The following GMDS variants were observed in gnomAD, a reference collection of about 807,000 sequenced individuals.
The protein encoded by GMDS is GDP-mannose 4,6-dehydratase, also known as GDP-mannose 4,6 dehydratase.
Under a neutral mutation model 49.9 loss-of-function variants are expected in GMDS, and 20 were observed. The observed-to-expected ratio is 0.40, with a 90% confidence interval of 0.28 to 0.58. The LOEUF (loss-of-function observed/expected upper bound fraction) is 0.58, where lower values mean the gene tolerates loss of function less well. GMDS is among the 20% of genes least tolerant of loss of function. The pLI, the probability that GMDS is intolerant of heterozygous loss-of-function variation, is 0.42. For synonymous variants in GMDS, 177 were observed against 178.6 expected (o/e 0.99, Z 0.07); for missense variants, 362 against 481.4 (o/e 0.75, Z 2.32).
At chr6:2,060,707 AG>A (rs1313314053) in intron 4 of GMDS, among the ~76,000 whole-genome samples, 1 of 152,214 alleles carries the variant, frequency 6.6e-6, no homozygotes, top group East Asian at 1.9e-4. Context: ...AAACAAGGTG[AG>A]GGAACACGTC....
At chr6:1,815,384 G>A (rs1456845351) in intron 7 of GMDS, among the ~76,000 whole-genome samples, 1 of 152,170 alleles carries the variant, frequency 6.6e-6, no homozygotes, top group Non-Finnish European at 1.5e-5. Context: ...AGTTACAGCA[G>A]AAAATTTCAG....
chr6:1,922,173 C>A (rs142834491), intron 7 of GMDS, among the ~76,000 whole-genome samples: 1 of 152,340 alleles, frequency 6.6e-6, no homozygotes, highest in African/African-American at 2.4e-5. Context: ...CACGTAGTTA[C>A]ACAATGCCTT....
chr6:1,957,980 A>AT (rs1291497151), intron 6 of GMDS, among the ~76,000 whole-genome samples: 2 of 151,720 alleles, frequency 1.3e-5, no homozygotes, highest in East Asian at 3.9e-4. Context: ...TTCGTTTTTT[A>AT]TTTTTTTGAG....
chr6:1,700,488 T>C (rs1208929499), intron 9 of GMDS, among the ~76,000 whole-genome samples: 2 of 152,156 alleles, frequency 1.3e-5, no homozygotes, highest in African/African-American at 4.8e-5. Context: ...CTGCAAATCA[T>C]TAGTTTCTCC....
At chr6:2,205,301 C>G (rs1427612707) in intron 1 of GMDS, among the ~76,000 whole-genome samples, 1 of 152,306 alleles carries the variant, frequency 6.6e-6, no homozygotes, top group African/African-American at 2.4e-5. Context: ...CCTAAGTTCA[C>G]CATTAGTTGC....
chr6:2,157,136 T>C (rs934567833), intron 1 of GMDS, among the ~76,000 whole-genome samples: 3 of 152,242 alleles, frequency 2.0e-5, no homozygotes, highest in African/African-American at 7.2e-5. Context: ...CATAGACTTA[T>C]GTTCTAGAGC....
intron 7 of GMDS, among the ~76,000 whole-genome samples, chr6:1,798,211 T>C (rs1769811447): frequency 6.6e-6 from 1 of 150,860 alleles, no homozygotes; most frequent in South Asian, 2.1e-4. Context: ...TAAATTTTGA[T>C]GTATAAATTT....
chr6:2,047,300 C>CAA (rs1770079423), intron 4 of GMDS, among the ~76,000 whole-genome samples: 3 of 152,118 alleles, frequency 2.0e-5, no homozygotes, highest in African/African-American at 7.2e-5. Flanking sequence ...TGGCAATATC[C>CAA]TTGTGAAGTG....
At chr6:2,075,755 T>C (rs1417548442) in intron 4 of GMDS, among the ~76,000 whole-genome samples, 1 of 152,166 alleles carries the variant, frequency 6.6e-6, no homozygotes, top group Admixed American at 6.5e-5. Flanking sequence ...GATTTATAAT[T>C]CTTTGGGTAT....
rs1167150758 is a variant in GMDS, at chr6:2,079,979, G to A, written c.345+35792C>T. ...GGCTTTATAGTATCCCATATGTCTC[G>A]AAGGCTTCAATTATTCTTTTTTATT... On this transcript the variant is annotated intron_variant, in intron 4 of 10. Coordinates refer to ENST00000380815, the MANE Select transcript of GMDS (RefSeq NM_001500.4). Among the ~76,000 whole-genome samples, 33 of 152,078 alleles carry A rather than the reference G, an allele frequency of 2.2e-4. 1 individual carries two copies. Among genetic ancestry groups the A allele is most frequent in the Admixed American group, 1.9e-3 (29 of 15,288 alleles).
At chr6:2,161,733 C>A (rs1368441645) in intron 1 of GMDS, among the ~76,000 whole-genome samples, 1 of 152,202 alleles carries the variant, frequency 6.6e-6, no homozygotes, top group Non-Finnish European at 1.5e-5. Flanking sequence ...AGGGACCCAA[C>A]AGAGAAACCA....
At chr6:1,744,249 A>C (rs893885526) in intron 7 of GMDS, among the ~76,000 whole-genome samples, 1 of 152,140 alleles carries the variant, frequency 6.6e-6, no homozygotes, top group African/African-American at 2.4e-5. Context: ...ATTTTGGTCT[A>C]TTTTATATGC....
intron 7 of GMDS, among the ~76,000 whole-genome samples, chr6:1,849,708 A>G (rs918915719): frequency 6.6e-6 from 1 of 152,224 alleles, no homozygotes; most frequent in African/African-American, 2.4e-5. Context: ...TGTTTATTAT[A>G]AGCTCTTTAT....
intron 4 of GMDS, among the ~76,000 whole-genome samples, chr6:1,965,145 T>A (rs1764194776): frequency 6.6e-6 from 1 of 152,166 alleles, no homozygotes; most frequent in Admixed American, 6.5e-5. Context: ...TGTGTGCATG[T>A]GTCTTTATAG....
At chr6:2,085,864 C>T (rs1435129323) in intron 4 of GMDS, among the ~76,000 whole-genome samples, 2 of 152,146 alleles carry the variant, frequency 1.3e-5, no homozygotes, top group Admixed American at 1.3e-4. Flanking sequence ...TCAGGCATAC[C>T]TGAACTCTCT....
rs540071603 is a variant in GMDS, at chr6:1,824,835, C to T, written c.772-82249G>A. ...ATTTTAATATCCTCACTCCCAGTAA[C>T]GATTTCATTCTCCTGTATCCTCTGC... On this transcript the variant is annotated intron_variant, in intron 7 of 10. Transcript: ENST00000380815. Among the ~76,000 whole-genome samples the T allele has an allele frequency of 3.6e-4, 55 of 152,244 alleles. No homozygotes were observed. The South Asian group carries it at 0.011, about 29-fold the overall frequency.
rs116019978 is a variant in GMDS at position 1,905,937 on chromosome 6, C to T, written c.771+24166G>A. Among the ~76,000 whole-genome samples the T allele has an allele frequency of 7.5e-3, 1,139 of 152,000 alleles. 24 individuals are homozygous for T. The highest frequency in any genetic ancestry group is 0.025 in the African/African-American group (1,048 of 41,420). ...ATGCAGGTGTCCCTGAGAAGGAGCG[C>T]CCAGGTGGCTGTTGAGTCCAAGCCA... On this transcript the variant is annotated intron_variant, in intron 7 of 10. Transcript: ENST00000380815.
Position 2,135,974 on chromosome 6 carries a change from T to C in GMDS, c.103-11243A>G, listed in dbSNP as rs558479886. 1.8e-4 allele frequency among the ~76,000 whole-genome samples: 27 copies of C among 152,216 alleles called. No homozygotes were observed. The South Asian group carries it at 4.8e-3, about 27-fold the overall frequency. The stretch of plus-strand genomic sequence containing the variant: ...TACAGTATACTTGCACAAACCTAGG[T>C]AGTAGAGCCAACTACATACCTAGGA... On this transcript the variant is annotated intron_variant, in intron 1 of 10. Transcript: ENST00000380815.
chr6:2,027,065 G>A (rs2127412328), intron 4 of GMDS, among the ~76,000 whole-genome samples: 1 of 151,974 alleles, frequency 6.6e-6, no homozygotes, highest in South Asian at 2.1e-4. Context: ...CTAAGAACAG[G>A]AACCAGAGAA....
Sources: allele counts gnomAD v4.1 joint callset (sites outside exome capture counted in the v4.1 genomes callset), GRCh38; gene constraint gnomAD v4.1.1; transcripts MANE v1.5; gene names NCBI Gene and HGNC (gene_info 2026-07-23, HGNC 2026-07-21).